SLC35F4: variants seen among roughly 807,000 people sequenced by gnomAD.
SLC35F4 encodes solute carrier family 35 member F4, also known as chromosome 14 open reading frame 36.
SLC35F4 carries 24 observed loss-of-function variants against 44.2 expected under a neutral mutation model. That is an observed-to-expected ratio of 0.54 (90% CI 0.39 to 0.76). The LOEUF is 0.76. Ranked by LOEUF, SLC35F4 falls within the 30% of genes least tolerant of loss-of-function variation. The probability of loss-of-function intolerance (pLI) is 0.00; values close to 1 mark genes in which losing one functional copy is unlikely to be tolerated. For synonymous variants in SLC35F4, 238 were observed against 223.6 expected, an observed-to-expected ratio of 1.06 and a Z score of -0.57; for missense variants, 562 against 586.1, an observed-to-expected ratio of 0.96 and a Z score of 0.42.
At position 57,914,018 on chromosome 14, in the gene SLC35F4, T is replaced by A. The variant is rs762681020; in HGVS notation, n.282+67895A>T. Among the ~76,000 whole-genome samples the A allele has an allele frequency of 1.3e-5, 2 of 152,244 alleles. 1 individual carries two copies. The highest frequency in any genetic ancestry group is 2.9e-5 in the Non-Finnish European group (2 of 68,036). Reference sequence around the variant, plus strand: ...TCACTCCACTCTCTTCTTGCAAGTATGGCTCCTAAAGAGAAGTTGGATGTA... The same window carrying A: ...TCACTCCACTCTCTTCTTGCAAGTAAGGCTCCTAAAGAGAAGTTGGATGTA... On this transcript the variant is annotated intron_variant and non_coding_transcript_variant, in intron 1 of 1. Transcript: ENST00000556568.
chr14:57,904,781 G>C (rs754098317), intron 1 of SLC35F4, among the ~76,000 whole-genome samples: 2 of 152,140 alleles, frequency 1.3e-5, no homozygotes, highest in Non-Finnish European at 2.9e-5. Flanking sequence ...CACAAAACTA[G>C]GAAGTGATGG....
intron 1 of SLC35F4, among the ~76,000 whole-genome samples, chr14:57,657,676 C>T (rs1303065392): frequency 6.6e-6 from 1 of 152,152 alleles, no homozygotes; most frequent in East Asian, 1.9e-4. Flanking sequence ...TTATTCTCTA[C>T]ACAGACTGCA....
chr14:57,682,944 C>G (rs2074953720), intron 1 of SLC35F4, among the ~76,000 whole-genome samples: 1 of 152,076 alleles, frequency 6.6e-6, no homozygotes, highest in South Asian at 2.1e-4. Context: ...ATTCCACTCC[C>G]TACCAAAAAA....
At chr14:57,861,258 C>A (rs975092901) in intron 1 of SLC35F4, among the ~76,000 whole-genome samples, 29 of 152,124 alleles carry the variant, frequency 1.9e-4, no homozygotes. Context: ...CAGAAGAGAA[C>A]CTCAACAGAC....
At chr14:57,817,907 A>T (rs1041063621) in intron 1 of SLC35F4, among the ~76,000 whole-genome samples, 3 of 152,114 alleles carry the variant, frequency 2.0e-5, no homozygotes, top group Non-Finnish European at 2.9e-5. Context: ...TCACCACCTG[A>T]ATGTATTCTC....
rs1339229706 is a variant in SLC35F4, at chr14:57,825,184, G to A, written c.103+40539C>T. Among the ~76,000 whole-genome samples the A allele has an allele frequency of 4.6e-5, 7 of 152,094 alleles. No homozygotes were observed. The East Asian group carries it at 9.7e-4, about 21-fold the overall frequency. On this transcript the variant is annotated intron_variant, in intron 1 of 7. Transcript: ENST00000556826. ...CTGGAAGGTGGGGCTGCCATTTACA[G>A]ACAAGGAGAAGACCATGAGAGCAGG...
chr14:57,815,669 T>C lies in SLC35F4; in HGVS notation c.103+50054A>G, dbSNP rs540507526. Among the ~76,000 whole-genome samples the C allele has an allele frequency of 2.0e-5, 3 of 152,256 alleles. No individual in the cohort carries two copies. In the South Asian group the frequency reaches 6.2e-4, roughly 32 times the overall value. On this transcript the variant is annotated intron_variant, in intron 1 of 7. Transcript: ENST00000556826. ...GCAGAATTTACTTAAGGATGCATCATTGTCATTTGCAGGAGGCGCTCCTAC... is the reference window on the plus strand; with the variant it reads ...GCAGAATTTACTTAAGGATGCATCACTGTCATTTGCAGGAGGCGCTCCTAC...
intron 1 of SLC35F4, among the ~76,000 whole-genome samples, chr14:57,703,901 A>C (rs1331990547): frequency 6.6e-6 from 1 of 152,170 alleles, no homozygotes; most frequent in African/African-American, 2.4e-5. Flanking sequence ...AACAAAAACC[A>C]GGCTGTATCC....
At chr14:57,682,144 GGT>G (rs1374757713) in intron 1 of SLC35F4, among the ~76,000 whole-genome samples, 1 of 152,100 alleles carries the variant, frequency 6.6e-6, no homozygotes, top group Non-Finnish European at 1.5e-5. Context: ...CCCGTTACTG[GGT>G]ATATACCCAA....
intron 1 of SLC35F4, among the ~76,000 whole-genome samples, chr14:57,616,917 C>T (rs1168071214): frequency 1.3e-5 from 2 of 152,050 alleles, no homozygotes; most frequent in Non-Finnish European, 2.9e-5. Context: ...TCGCCCCATC[C>T]CCTTTCTCAA....
intron 1 of SLC35F4, among the ~76,000 whole-genome samples, chr14:57,764,496 A>G (rs1465560846): frequency 6.6e-6 from 1 of 152,224 alleles, no homozygotes; most frequent in Non-Finnish European, 1.5e-5. Flanking sequence ...ATATTTGAAA[A>G]TAATTAGGTC....
chr14:57,875,548 G>A (rs1888381817), intron 1 of SLC35F4, among the ~76,000 whole-genome samples: 1 of 152,180 alleles, frequency 6.6e-6, no homozygotes, highest in Non-Finnish European at 1.5e-5. Flanking sequence ...TAGATCAGCT[G>A]GGGACTGAAT....
intron 1 of SLC35F4, among the ~76,000 whole-genome samples, chr14:57,917,168 C>T (rs1454022179): frequency 6.6e-6 from 1 of 152,172 alleles, no homozygotes; most frequent in African/African-American, 2.4e-5. Context: ...TCAAGTGATT[C>T]TCCTGCCTCA....
Position 57,781,733 on chromosome 14 carries a change from A to G in SLC35F4, c.103+83990T>C, listed in dbSNP as rs139674256. Among the ~76,000 whole-genome samples, 921 of 152,316 alleles carry G rather than the reference A, an allele frequency of 6.0e-3. 12 individuals carry two copies. The highest frequency in any genetic ancestry group is 0.021 in the African/African-American group (857 of 41,570). ...ACATCATGGAATACTATGCAGCCAT[A>G]AAAAAGAACAAGATCATGTCCTTTG... On this transcript the variant is annotated intron_variant, in intron 1 of 7. Coordinates refer to ENST00000556826, the MANE Select transcript of SLC35F4 (RefSeq NM_001306087.2).
intron 1 of SLC35F4, among the ~76,000 whole-genome samples, chr14:57,927,496 CT>C (rs201058689): frequency 7.8e-4 from 110 of 140,818 alleles, no homozygotes; most frequent in Admixed American, 1.2e-3. Context: ...TTTTCTTCTT[CT>C]TTTTTTTTTT....
chr14:57,787,215 A>G (rs1244256968), intron 1 of SLC35F4, among the ~76,000 whole-genome samples: 1 of 152,152 alleles, frequency 6.6e-6, no homozygotes, highest in Non-Finnish European at 1.5e-5. Flanking sequence ...AAAGACAAAG[A>G]AAAAAGAAAA....
chr14:57,958,434 A>G (rs1241212529), intron 1 of SLC35F4, among the ~76,000 whole-genome samples: 1 of 152,158 alleles, frequency 6.6e-6, no homozygotes, highest in Admixed American at 6.5e-5. Context: ...CATTTATATG[A>G]AATGTCTAGA....
At chr14:57,812,054 G>A (rs1566874543) in intron 1 of SLC35F4, among the ~76,000 whole-genome samples, 1 of 152,122 alleles carries the variant, frequency 6.6e-6, no homozygotes, top group Non-Finnish European at 1.5e-5. Flanking sequence ...TCATTTTTTA[G>A]AAGAAAAATG....
intron 1 of SLC35F4, among the ~76,000 whole-genome samples, chr14:57,757,211 G>A (rs1328516618): frequency 6.6e-6 from 1 of 152,134 alleles, no homozygotes; most frequent in Non-Finnish European, 1.5e-5. Context: ...TATGGCCAGT[G>A]ACATGAGTTT....
Sources: allele counts gnomAD v4.1 joint callset (sites outside exome capture counted in the v4.1 genomes callset), GRCh38; gene constraint gnomAD v4.1.1; transcripts MANE v1.5; gene names NCBI Gene and HGNC (gene_info 2026-07-23, HGNC 2026-07-21).